SLC2A9: variants seen among roughly 807,000 people sequenced by gnomAD.
The protein encoded by SLC2A9 is solute carrier family 2, facilitated glucose transporter member 9.
In SLC2A9, 39 loss-of-function variants were observed where a neutral mutation model predicts 50.6. That is an observed-to-expected ratio of 0.77 (90% confidence interval 0.60 to 1.01). The LOEUF is 1.01. Ranked by LOEUF, SLC2A9 falls within the 50% of genes least tolerant of loss-of-function variation. SLC2A9 has a pLI of 0.00. For synonymous variants in SLC2A9, 324 were observed against 276.9 expected (o/e 1.17, Z -1.69); for missense variants, 686 against 677.6 (o/e 1.01, Z -0.14).
At chr4:9,952,465 T>C (rs929260792) in intron 5 of SLC2A9, among the ~76,000 whole-genome samples, 4 of 152,066 alleles carry the variant, frequency 2.6e-5, no homozygotes, top group African/African-American at 4.8e-5. Context: ...GCCATGCATG[T>C]ACAGTCTGCA....
rs1412984387 is a variant in SLC2A9, at chr4:9,826,562, T to C, written c.1458A>G (p.Thr486=). The change falls in exon 12 of 12, where the codon ACA becomes ACG. Residue 486 remains threonine (T), a synonymous_variant. Coordinates refer to ENST00000264784, the MANE Select transcript of SLC2A9 (RefSeq NM_020041.3). ...GGTAGATAGCACCTGTGATACAAAT[T>C]GTAGCAAAGACTAGGAAACAGTAGG... ...LDTYCFLVFA[T]ICITGAIYLY... 1 of 1,614,070 alleles carries C rather than the reference T, an allele frequency of 6.2e-7. No homozygotes were observed. Among genetic ancestry groups the C allele is most frequent in the Admixed American group, 1.7e-5 (1 of 60,014 alleles).
At chr4:9,830,274 A>C (rs2109106098) in intron 11 of SLC2A9, among the ~76,000 whole-genome samples, 1 of 152,362 alleles carries the variant, frequency 6.6e-6, no homozygotes, top group South Asian at 2.1e-4. Flanking sequence ...CAGAAAACCA[A>C]ACACTGCATG....
chr4:9,826,432 C>G lies in SLC2A9; in HGVS notation c.1588G>C (p.Ala530Pro). Residue 530 changes from alanine (A) to proline (P), a missense_variant, in exon 12 of 12, where the codon GCT (alanine) becomes CCT (proline). Coordinates refer to ENST00000264784, the MANE Select transcript of SLC2A9 (RefSeq NM_020041.3). ...CCATTTATCTTACCATCAGTGACAG[C>G]TGAGTCGATTTTCTCTTCTGGTGGG... ...AYPPEEKIDS[A>P]VTDGKINGRP is the part of the protein sequence containing the mutation. The G allele has an allele frequency of 6.2e-7, 1 of 1,614,058 alleles. No homozygotes were observed. The highest frequency in any genetic ancestry group is 8.5e-7 in the Non-Finnish European group (1 of 1,179,940).
intron 2 of SLC2A9, among the ~76,000 whole-genome samples, chr4:10,018,546 T>TGATAGATAGATAGATGATAGATA (rs57476588): frequency 1.1e-3 from 166 of 145,424 alleles, no homozygotes; most frequent in South Asian, 1.8e-3. Flanking sequence ...ATCTCAAAGA[T>TGATAGATAGATAGATGATAGATA]GATAGATAGA....
At chr4:9,978,058 G>A (rs1175609922) in intron 5 of SLC2A9, among the ~76,000 whole-genome samples, 1 of 152,232 alleles carries the variant, frequency 6.6e-6, no homozygotes, top group African/African-American at 2.4e-5. Context: ...CCTAGGATAT[G>A]CTGAACAGTC....
chr4:9,915,928 G>A (rs1742772605), intron 7 of SLC2A9, among the ~76,000 whole-genome samples: 1 of 152,150 alleles, frequency 6.6e-6, no homozygotes, highest in Non-Finnish European at 1.5e-5. Context: ...CTTGATTTGG[G>A]CTCCAGAACT....
At position 9,905,949 on chromosome 4, in the gene SLC2A9, C is replaced by T. The variant is rs77671965; in HGVS notation, c.1113+2286G>A. 3.7e-3 allele frequency among the ~76,000 whole-genome samples: 571 copies of T among 152,296 alleles called. 4 individuals are homozygous for T. The highest frequency in any genetic ancestry group is 0.016 in the South Asian group (79 of 4,824). The stretch of plus-strand genomic sequence containing the variant: ...CTCCTTTTGGTCTTAGTTTCCTCAA[C>T]TGTCAAAAGATAGCAAGACCCCCTG... On this transcript the variant is annotated intron_variant, in intron 8 of 11. Transcript: ENST00000264784.
chr4:10,039,382 G>A (rs1764206460), intron 1 of SLC2A9, among the ~76,000 whole-genome samples: 1 of 152,180 alleles, frequency 6.6e-6, no homozygotes, highest in African/African-American at 2.4e-5. Context: ...GGGACGTGAA[G>A]GGCCAGAGGA....
chr4:10,015,897 T>G (rs906843304), intron 2 of SLC2A9, among the ~76,000 whole-genome samples: 1 of 152,126 alleles, frequency 6.6e-6, no homozygotes, highest in African/African-American at 2.4e-5. Flanking sequence ...TTTGGCAGAG[T>G]TGATGAGCTG....
chr4:9,852,194 T>C (rs1730045382), intron 10 of SLC2A9, among the ~76,000 whole-genome samples: 1 of 151,514 alleles, frequency 6.6e-6, no homozygotes, highest in Non-Finnish European at 1.5e-5. Context: ...ACAGTGGATG[T>C]TTCAGCAGAA....
At chr4:9,913,908 C>T (rs906187130) in intron 7 of SLC2A9, among the ~76,000 whole-genome samples, 4 of 152,202 alleles carry the variant, frequency 2.6e-5, no homozygotes, top group Non-Finnish European at 5.9e-5. Flanking sequence ...TCTGTCTCCC[C>T]CTCTCTAACC....
At position 9,970,238 on chromosome 4, in the gene SLC2A9, G is replaced by A. The variant is rs144957553; in HGVS notation, c.681+10354C>T. Among the ~76,000 whole-genome samples, 368 of 152,276 alleles carry A rather than the reference G, an allele frequency of 2.4e-3. 1 individual carries two copies. The highest frequency in any genetic ancestry group is 8.0e-3 in the African/African-American group (334 of 41,548). ...AGGAGCAGCATCGGACATGCTTTGCGTGCACTCCTAGACTCCAGTGGGGAT... is the reference window on the plus strand; with the variant it reads ...AGGAGCAGCATCGGACATGCTTTGCATGCACTCCTAGACTCCAGTGGGGAT... On this transcript the variant is annotated intron_variant, in intron 5 of 11. Transcript: ENST00000264784.
chr4:10,029,794 T>G (rs1460815634), intron 1 of SLC2A9, among the ~76,000 whole-genome samples: 2 of 151,766 alleles, frequency 1.3e-5, no homozygotes, highest in African/African-American at 4.8e-5. Flanking sequence ...TTTTTGTTTT[T>G]GTTTTTGTTT....
At chr4:9,820,633 G>A (rs77130163) in intron 3 of SLC2A9, among the ~76,000 whole-genome samples, 1,675 of 152,066 alleles carry the variant, frequency 0.011, 27 homozygotes, top group African/African-American at 0.036. Flanking sequence ...TGTAGTTTTC[G>A]GCAGAAAACT....
At chr4:9,951,316 A>AT (rs1202133769) in intron 5 of SLC2A9, among the ~76,000 whole-genome samples, 1 of 151,822 alleles carries the variant, frequency 6.6e-6, no homozygotes, top group Non-Finnish European at 1.5e-5. Flanking sequence ...TGGAGAGTGT[A>AT]AAGATAGATA....
At chr4:9,886,613 T>C (rs888033218) in intron 10 of SLC2A9, among the ~76,000 whole-genome samples, 2 of 152,140 alleles carry the variant, frequency 1.3e-5, no homozygotes, top group African/African-American at 4.8e-5. Context: ...ACCTGGAATG[T>C]AATGGCTTAC....
At chr4:10,032,022 G>T (rs1188320005) in intron 1 of SLC2A9, among the ~76,000 whole-genome samples, 1 of 152,176 alleles carries the variant, frequency 6.6e-6, no homozygotes, top group African/African-American at 2.4e-5. Context: ...TTATTCATCC[G>T]ATGGTGTATA....
At chr4:9,861,670 T>C (rs541362679) in intron 10 of SLC2A9, among the ~76,000 whole-genome samples, 92 of 151,232 alleles carry the variant, frequency 6.1e-4, no homozygotes, top group Non-Finnish European at 1.2e-3. Context: ...ATACCAATAG[T>C]TTCTGGTATA....
At chr4:9,905,863 G>GT (rs2109957009) in intron 8 of SLC2A9, among the ~76,000 whole-genome samples, 1 of 152,228 alleles carries the variant, frequency 6.6e-6, no homozygotes, top group East Asian at 1.9e-4. Context: ...GCCCCATGAT[G>GT]TTCTCTTTCC....
Sources: gnomAD v4.1 joint callset for allele counts (sites outside exome capture counted in the v4.1 genomes callset) on GRCh38, gnomAD v4.1.1 for gene constraint, MANE v1.5 for transcripts, NCBI Gene and HGNC (gene_info 2026-07-23, HGNC 2026-07-21) for gene names.